GARS1: variants seen among roughly 807,000 people sequenced by gnomAD.
The protein encoded by GARS1 is glycine--tRNA ligase.
A neutral mutation model predicts 86.4 loss-of-function variants in GARS1; 46 were observed. The ratio of observed to expected loss-of-function variants is 0.53; its 90% CI spans 0.42 to 0.68. The LOEUF is 0.68. Ranked by LOEUF, GARS1 falls within the 30% of genes least tolerant of loss-of-function variation. The pLI is 0.00. For missense variants in GARS1, 797 were observed against 915.6 expected (o/e 0.87, Z 1.67); for synonymous variants, 342 against 329.8 (o/e 1.04, Z -0.40).
intron 10 of GARS1, among the ~76,000 whole-genome samples, chr7:30,619,776 C>CTTTTTT (rs61613428): frequency 8.0e-5 from 10 of 124,284 alleles, no homozygotes; most frequent in Non-Finnish European, 1.2e-4. Flanking sequence ...TTCTTTTTTT[C>CTTTTTT]TTTTTTTTTT....
chr7:30,595,952 G>C (rs888773986), intron 1 of GARS1: 6 of 469,660 alleles, frequency 1.3e-5, no homozygotes, highest in Admixed American at 7.1e-5. Flanking sequence ...AGGTTTCATG[G>C]GCTGAAGGAC....
At chr7:30,598,722 C>T (rs760343906) in intron 1 of GARS1, 74 bp from the exon 2 acceptor site, 29 of 1,270,902 alleles carry the variant, frequency 2.3e-5, no homozygotes, top group African/African-American at 8.8e-5. Context: ...TTAAAAGGCA[C>T]GCTTAAAAAC....
intron 6 of GARS1, among the ~76,000 whole-genome samples, chr7:30,607,359 A>G (rs181311040): frequency 1.7e-3 from 254 of 152,368 alleles, no homozygotes; most frequent in Non-Finnish European, 2.6e-3. Context: ...ATGGAATACT[A>G]TGCATTCATA....
intron 13 of GARS1, chr7:30,627,045 GT>G: frequency 2.1e-6 from 1 of 466,342 alleles, no homozygotes; most frequent in East Asian, 7.0e-5. Flanking sequence ...TTAAGAAGAT[GT>G]TTTTTTGTAG....
chr7:30,609,982 T>TA (rs1791564539), intron 7 of GARS1, among the ~76,000 whole-genome samples: 1 of 152,218 alleles, frequency 6.6e-6, no homozygotes, highest in African/African-American at 2.4e-5. Flanking sequence ...ATCTTCTAGT[T>TA]ATAGCTGCAT....
At chr7:30,609,442 G>A (rs1261629590) in intron 6 of GARS1, 143 bp from the exon 7 acceptor site, 2 of 681,414 alleles carry the variant, frequency 2.9e-6, no homozygotes, top group Non-Finnish European at 5.2e-6. Flanking sequence ...TTTTAATGTG[G>A]GTGTCCTGAA....
intron 12 of GARS1, among the ~76,000 whole-genome samples, chr7:30,624,428 G>A (rs1783084102): frequency 6.6e-6 from 1 of 152,154 alleles, no homozygotes; most frequent in African/African-American, 2.4e-5. Flanking sequence ...AGTATTTAAA[G>A]TAATATGGAA....
Position 30,603,018 on chromosome 7 carries a change from G to T in GARS1, c.570-16G>T. On this transcript the variant is annotated splice_polypyrimidine_tract_variant and intron_variant, in intron 4 of 16. Transcript: ENST00000389266. The stretch of plus-strand genomic sequence containing the variant: ...TGTATGAGAATGACAAATTGGGTTG[G>T]CATTTGTTAATTTAGGACCTCTGGC... The T allele has an allele frequency of 1.3e-6, 2 of 1,577,694 alleles. No individual in the cohort carries two copies. Among genetic ancestry groups the T allele is most frequent in the African/African-American group, 2.7e-5 (2 of 74,332 alleles).
At chr7:30,600,259 T>C (rs772739690) in intron 3 of GARS1, among the ~76,000 whole-genome samples, 33 of 152,218 alleles carry the variant, frequency 2.2e-4, no homozygotes, top group Non-Finnish European at 4.0e-4. Flanking sequence ...GCACTTTTTT[T>C]GATTAGGATG....
intron 2 of GARS1, 98 bp from the exon 3 acceptor site, chr7:30,599,849 A>G (rs991471756): frequency 3.8e-6 from 3 of 785,494 alleles, no homozygotes; most frequent in African/African-American, 3.5e-5. Flanking sequence ...GATAAATTTT[A>G]TATTTAATTC....
intron 1 of GARS1, among the ~76,000 whole-genome samples, chr7:30,598,377 C>CTTTTTTTTTT (rs1174085518): frequency 1.6e-4 from 16 of 99,618 alleles, no homozygotes; most frequent in Non-Finnish European, 2.6e-4. Context: ...TTGCATCATT[C>CTTTTTTTTTT]TTTTTTTTTT....
upstream of GARS1, chr7:30,594,790 C>A: frequency 1.3e-6 from 1 of 751,150 alleles, no homozygotes; most frequent in Non-Finnish European, 2.1e-6. Flanking sequence ...CCCGGCGCCG[C>A]GTCACGCGGT....
intron 10 of GARS1, 109 bp downstream of exon 10, chr7:30,617,387 AAAG>A: frequency 7.7e-7 from 1 of 1,304,284 alleles, no homozygotes; most frequent in Non-Finnish European, 1.1e-6. Context: ...AGGGAAAAGA[AAAG>A]AGATCTTTTC....
intron 10 of GARS1, among the ~76,000 whole-genome samples, chr7:30,619,196 G>A (rs1257814266): frequency 6.6e-6 from 1 of 152,058 alleles, no homozygotes; most frequent in Admixed American, 6.6e-5. Flanking sequence ...CAGTTATGCT[G>A]TACTGCTTTA....
chr7:30,612,308 C>T, intron 8 of GARS1, 63 bp downstream of exon 8: 1 of 1,491,554 alleles, frequency 6.7e-7, no homozygotes, highest in Non-Finnish European at 9.3e-7. Context: ...AAAATGAAAG[C>T]TTGCTGTTTT....
chr7:30,622,094 T>C, intron 11 of GARS1: 1 of 566,932 alleles, frequency 1.8e-6, no homozygotes, highest in Non-Finnish European at 3.2e-6. Context: ...TTTTTCTCAC[T>C]GTAACTGGAA....
At chr7:30,606,190 C>G (rs1791481325) in intron 6 of GARS1, among the ~76,000 whole-genome samples, 1 of 152,018 alleles carries the variant, frequency 6.6e-6, no homozygotes, top group Non-Finnish European at 1.5e-5. Flanking sequence ...GACTTCTGTC[C>G]AGAGCTACAT....
At chr7:30,628,303 G>C (rs368623720) in intron 13 of GARS1, among the ~76,000 whole-genome samples, 3 of 151,968 alleles carry the variant, frequency 2.0e-5, no homozygotes. Flanking sequence ...TCCTGCCTCA[G>C]CCTCCGGAGT....
intron 13 of GARS1, chr7:30,626,980 CAA>C (rs1192203935): frequency 0.024 from 7,246 of 303,550 alleles, no homozygotes; most frequent in South Asian, 0.031. Context: ...GACTCCGTCT[CAA>C]AAAAAAAAAA....
Sources: gnomAD v4.1 joint callset for allele counts (sites outside exome capture counted in the v4.1 genomes callset) on GRCh38, gnomAD v4.1.1 for gene constraint, MANE v1.5 for transcripts, NCBI Gene and HGNC (gene_info 2026-07-23, HGNC 2026-07-21) for gene names.